The following C16orf78 variants were observed in gnomAD, a reference collection of about 807,000 sequenced individuals.
The protein encoded by C16orf78 is chromosome 16 open reading frame 78.
Under a neutral mutation model 27.3 loss-of-function variants are expected in C16orf78, and 19 were observed. The observed-to-expected ratio is 0.70, with a 90% confidence interval of 0.49 to 1.02. The LOEUF is 1.02. Ranked by LOEUF, C16orf78 falls within the 50% of genes least tolerant of loss-of-function variation. C16orf78 has a pLI of 0.00. For synonymous variants in C16orf78, 130 were observed against 116.1 expected, an observed-to-expected ratio of 1.12 and a Z score of -0.77; for missense variants, 339 against 337.0, an observed-to-expected ratio of 1.01 and a Z score of -0.05.
intron 3 of C16orf78, among the ~76,000 whole-genome samples, chr16:49,384,368 A>G (rs11864700): frequency 0.19 from 27,688 of 142,938 alleles, 3,144 homozygotes; most frequent in African/African-American, 0.3. Flanking sequence ...AAAAAAAAAA[A>G]GCAGAAAACT....
chr16:49,397,841 C>T (rs1254992726), intron 4 of C16orf78, among the ~76,000 whole-genome samples: 1 of 152,210 alleles, frequency 6.6e-6, no homozygotes. Context: ...TCTCGGCTCA[C>T]TGCAACCTCC....
chr16:49,393,769 C>T (rs1965441349), intron 3 of C16orf78, among the ~76,000 whole-genome samples: 1 of 151,714 alleles, frequency 6.6e-6, no homozygotes, highest in Non-Finnish European at 1.5e-5. Flanking sequence ...ATATCAAGAT[C>T]AAAAGTTGTT....
At chr16:49,380,931 T>A (rs1475144838) in intron 3 of C16orf78, among the ~76,000 whole-genome samples, 1 of 151,926 alleles carries the variant, frequency 6.6e-6, no homozygotes, top group Non-Finnish European at 1.5e-5. Context: ...TTGTCAAAGA[T>A]CAGATAGTTG....
intron 3 of C16orf78, 30 bp from the exon 4 acceptor site, chr16:49,396,393 A>C: frequency 1.2e-6 from 2 of 1,611,882 alleles, no homozygotes; most frequent in Non-Finnish European, 1.7e-6. Context: ...CCCACGGTCT[A>C]ACTCTTTGAT....
intron 3 of C16orf78, among the ~76,000 whole-genome samples, chr16:49,380,516 G>C (rs1965273398): frequency 6.6e-6 from 1 of 152,184 alleles, no homozygotes; most frequent in African/African-American, 2.4e-5. Flanking sequence ...CTTGCTTCCA[G>C]TGGCTGCTAT....
chr16:49,386,854 G>T (rs1422802869), intron 3 of C16orf78, among the ~76,000 whole-genome samples: 1 of 152,160 alleles, frequency 6.6e-6, no homozygotes, highest in Non-Finnish European at 1.5e-5. Flanking sequence ...CCATCAATGG[G>T]CGTTTAAGTT....
chr16:49,392,565 A>G (rs1965426308), intron 3 of C16orf78, among the ~76,000 whole-genome samples: 1 of 152,264 alleles, frequency 6.6e-6, no homozygotes, highest in Non-Finnish European at 1.5e-5. Context: ...GTTAAAGAGA[A>G]TAACTAATAA....
In C16orf78 at chr16:49,399,414, G is replaced by T. The variant is rs1056780569; in HGVS notation, c.*136G>T. ...TAGAAAGTAAGCAATCAGAAAACAA[G>T]CCTCGGCTGTGTGATCATTGTGCTT... On this transcript the variant is annotated 3_prime_UTR_variant, in exon 5 of 5. Transcript: ENST00000299191. 7.5e-6 allele frequency: 8 copies of T among 1,071,062 alleles called. No individual in the cohort carries two copies. The highest frequency in any genetic ancestry group is 5.0e-5 in the Admixed American group (2 of 39,816). The allele number at this position is 1,071,062 out of a possible 1,614,324, so 66.3% of individuals were successfully genotyped here.
At chr16:49,394,593 T>C (rs1965448872) in intron 3 of C16orf78, among the ~76,000 whole-genome samples, 1 of 151,934 alleles carries the variant, frequency 6.6e-6, no homozygotes, top group South Asian at 2.1e-4. Context: ...GGGGCAAATA[T>C]CATTCTAAAT....
chr16:49,389,012 G>A (rs1965381193), intron 3 of C16orf78, among the ~76,000 whole-genome samples: 1 of 152,148 alleles, frequency 6.6e-6, no homozygotes, highest in Non-Finnish European at 1.5e-5. Flanking sequence ...ATCTTCACGT[G>A]CGTTTCTAAC....
intron 4 of C16orf78, among the ~76,000 whole-genome samples, chr16:49,398,300 G>T (rs1423624889): frequency 1.3e-5 from 2 of 152,122 alleles, no homozygotes; most frequent in East Asian, 3.9e-4. Context: ...CAACCAGCAG[G>T]CAGCCTGAGT....
intron 4 of C16orf78, 67 bp downstream of exon 4, chr16:49,396,745 C>G: frequency 2.6e-6 from 4 of 1,544,498 alleles, no homozygotes; most frequent in Non-Finnish European, 3.5e-6. Context: ...ACTCTTGTCC[C>G]TGGCTCAAAC....
intron 4 of C16orf78, 59 bp from the exon 5 acceptor site, chr16:49,399,072 A>T: frequency 6.4e-7 from 1 of 1,565,130 alleles, no homozygotes; most frequent in South Asian, 1.2e-5. Flanking sequence ...CTTTTCAATA[A>T]AGTTAGAAGC....
Position 49,399,292 on chromosome 16 carries a change from C to T in C16orf78, c.*14C>T. ...ATGGCCCTCTAAATAGCTCCTCTCG[C>T]CACCACCTTCAGGCTCCTTCTGTCA... is the stretch of plus-strand genomic sequence containing the variant. On this transcript the variant is annotated 3_prime_UTR_variant, in exon 5 of 5. Coordinates refer to ENST00000299191, the MANE Select transcript of C16orf78 (RefSeq NM_144602.4). The T allele has an allele frequency of 6.2e-7, 1 of 1,613,320 alleles. No homozygotes were observed. Among genetic ancestry groups the T allele is most frequent in the Non-Finnish European group, 8.5e-7 (1 of 1,179,666 alleles).
At position 49,373,979 on chromosome 16, in the gene C16orf78, A is replaced by G. The variant is rs764065310; in HGVS notation, c.40A>G (p.Thr14Ala). 6.2e-7 allele frequency: 1 copy of G among 1,614,232 alleles called. No individual in the cohort carries two copies. The highest frequency in any genetic ancestry group is 2.2e-5 in the East Asian group (1 of 44,892). The change falls in exon 1 of 5, where the codon ACA becomes GCA. Residue 14 changes from threonine to alanine, a missense_variant. Physicochemically the swap from Thr to Ala is moderately conservative, Grantham distance 58. Coordinates refer to ENST00000299191, the MANE Select transcript of C16orf78 (RefSeq NM_144602.4). The stretch of plus-strand genomic sequence containing the variant: ...AATGGACCTGAAGGATTTAATGCCC[A>G]CAAAGAGGAAATACATGTGGAAGAC... ...QQMDLKDLMP[T>A]KRKYMWKTAE...
At chr16:49,385,498 C>T (rs1352233732) in intron 3 of C16orf78, among the ~76,000 whole-genome samples, 1 of 152,014 alleles carries the variant, frequency 6.6e-6, no homozygotes, top group Non-Finnish European at 1.5e-5. Context: ...CTCGTCTCTA[C>T]TAATAATACA....
intron 3 of C16orf78, among the ~76,000 whole-genome samples, chr16:49,395,942 A>G (rs1965466716): frequency 6.6e-6 from 1 of 152,072 alleles, no homozygotes; most frequent in Non-Finnish European, 1.5e-5. Context: ...GGATTGAACA[A>G]ATAAAGAAGG....
chr16:49,382,550 A>AT (rs1965299995), intron 3 of C16orf78, among the ~76,000 whole-genome samples: 1 of 152,090 alleles, frequency 6.6e-6, no homozygotes, highest in African/African-American at 2.4e-5. Flanking sequence ...CCACCACGAG[A>AT]TTTTTCCCTA....
chr16:49,396,385 C>G (rs1965474701), intron 3 of C16orf78, 38 bp from the exon 4 acceptor site: 1 of 1,606,888 alleles, frequency 6.2e-7, no homozygotes, highest in Admixed American at 1.7e-5. Context: ...TCACGTCTCC[C>G]ACGGTCTAAC....
Sources: allele counts gnomAD v4.1 joint callset (sites outside exome capture counted in the v4.1 genomes callset), GRCh38; gene constraint gnomAD v4.1.1; transcripts MANE v1.5; gene names NCBI Gene and HGNC (gene_info 2026-07-23, HGNC 2026-07-21).